The following BMPR1B variants were observed in gnomAD, a reference collection of about 807,000 sequenced individuals.
BMPR1B encodes the protein bone morphogenetic protein receptor type-1B.
Under a neutral mutation model 59.1 loss-of-function variants are expected in BMPR1B, and 12 were observed. The ratio of observed to expected loss-of-function variants is 0.20; its 90% CI spans 0.13 to 0.33. The LOEUF (loss-of-function observed/expected upper bound fraction) is 0.33, where lower values mean the gene tolerates loss of function less well. Ranked by LOEUF, BMPR1B falls within the 10% of genes least tolerant of loss-of-function variation. The pLI is 1.00. For synonymous variants in BMPR1B, 237 were observed against 207.3 expected, an observed-to-expected ratio of 1.14 and a Z score of -1.23; for missense variants, 550 against 610.9, an observed-to-expected ratio of 0.90 and a Z score of 1.05.
intron 1 of BMPR1B, among the ~76,000 whole-genome samples, chr4:94,773,439 C>T (rs981988194): frequency 3.9e-5 from 6 of 151,918 alleles, no homozygotes; most frequent in South Asian, 2.1e-4. Flanking sequence ...GAGACTGATA[C>T]GTACAAATCT....
chr4:95,065,134 G>T (rs1349366913), intron 3 of BMPR1B, among the ~76,000 whole-genome samples: 2 of 152,106 alleles, frequency 1.3e-5, no homozygotes, highest in African/African-American at 4.8e-5. Flanking sequence ...ACAAACTGTT[G>T]TATATCTATA....
At chr4:95,101,694 A>G (rs1246476557) in intron 3 of BMPR1B, among the ~76,000 whole-genome samples, 2 of 152,116 alleles carry the variant, frequency 1.3e-5, no homozygotes, top group Non-Finnish European at 2.9e-5. Flanking sequence ...AGATTATTCA[A>G]AATTTATACA....
rs138858066 is a variant in BMPR1B at position 95,002,425 on chromosome 4, G to T, written c.-18+6291G>T. 2.0e-5 allele frequency among the ~76,000 whole-genome samples: 3 copies of T among 152,290 alleles called. No individual in the cohort carries two copies. In the East Asian group the frequency reaches 5.8e-4, roughly 29 times the overall value. On this transcript the variant is annotated intron_variant, in intron 3 of 12. Transcript: ENST00000515059. ...CCCCATGTCTTTGCTATTGTGAATAGTGCTGTGATGAACATATGAGTGCAT... is the reference window on the plus strand; with the variant it reads ...CCCCATGTCTTTGCTATTGTGAATATTGCTGTGATGAACATATGAGTGCAT...
intron 1 of BMPR1B, among the ~76,000 whole-genome samples, chr4:94,815,058 C>T (rs923391428): frequency 5.3e-5 from 8 of 152,078 alleles, no homozygotes. Flanking sequence ...CACCTGCCAC[C>T]ACGCCCGGCT....
chr4:94,803,348 T>C (rs1206905537), intron 1 of BMPR1B, among the ~76,000 whole-genome samples: 1 of 152,146 alleles, frequency 6.6e-6, no homozygotes, highest in Non-Finnish European at 1.5e-5. Context: ...ATGCTAAAAC[T>C]CTGTATCTCC....
intron 2 of BMPR1B, among the ~76,000 whole-genome samples, chr4:94,975,357 G>GTTTT (rs1177887549): frequency 1.2e-3 from 117 of 94,168 alleles, no homozygotes; most frequent in East Asian, 3.9e-3. Context: ...ATTTCCTTTT[G>GTTTT]TTTTTGTTTT....
At chr4:94,846,427 C>T (rs968639182) in intron 1 of BMPR1B, among the ~76,000 whole-genome samples, 2 of 152,134 alleles carry the variant, frequency 1.3e-5, no homozygotes, top group Non-Finnish European at 2.9e-5. Context: ...CTGGGAAAGG[C>T]AGACCCACCC....
At chr4:95,086,482 T>C (rs1418825495) in intron 3 of BMPR1B, among the ~76,000 whole-genome samples, 10 of 152,204 alleles carry the variant, frequency 6.6e-5, no homozygotes, top group Non-Finnish European at 1.5e-4. Flanking sequence ...TGTCATAGTT[T>C]TCATGACATG....
chr4:94,965,185 A>G (rs1730508137), intron 2 of BMPR1B, among the ~76,000 whole-genome samples: 1 of 152,146 alleles, frequency 6.6e-6, no homozygotes, highest in Non-Finnish European at 1.5e-5. Context: ...TTAAAATAAT[A>G]AGACACATTC....
At chr4:94,785,380 T>C (rs1321712295) in intron 1 of BMPR1B, among the ~76,000 whole-genome samples, 1 of 152,244 alleles carries the variant, frequency 6.6e-6, no homozygotes, top group Non-Finnish European at 1.5e-5. Context: ...CTTTGAAGGC[T>C]GTAAGGACTG....
At chr4:95,143,639 C>G (rs1456823154) in intron 10 of BMPR1B, among the ~76,000 whole-genome samples, 1 of 152,190 alleles carries the variant, frequency 6.6e-6, no homozygotes, top group East Asian at 1.9e-4. Context: ...CTATATCATA[C>G]CACTGTCATT....
At chr4:94,810,123 A>G (rs1374803322) in intron 1 of BMPR1B, among the ~76,000 whole-genome samples, 1 of 152,190 alleles carries the variant, frequency 6.6e-6, no homozygotes, top group African/African-American at 2.4e-5. Flanking sequence ...GGCTGTTGCT[A>G]TCTATCCACT....
chr4:95,043,181 CAAAAAAAAAAAAAAAAAAA>C (rs751904820), intron 3 of BMPR1B, among the ~76,000 whole-genome samples: 1 of 51,454 alleles, frequency 1.9e-5, no homozygotes, highest in South Asian at 1.1e-3. Context: ...GACTCCGTCT[CAAAAAAAAAAAAAAAAAAA>C]AAAAAAAAAA....
chr4:95,058,251 C>T (rs1303564175), intron 3 of BMPR1B, among the ~76,000 whole-genome samples: 1 of 152,152 alleles, frequency 6.6e-6, no homozygotes, highest in African/African-American at 2.4e-5. Context: ...AACTTAATGT[C>T]TGAAACTATG....
chr4:95,074,789 T>TA (rs1159791780), intron 3 of BMPR1B, among the ~76,000 whole-genome samples: 17 of 151,100 alleles, frequency 1.1e-4, no homozygotes, highest in East Asian at 1.9e-4. Flanking sequence ...TAATGGAAAT[T>TA]AAAAAAAAAC....
intron 3 of BMPR1B, among the ~76,000 whole-genome samples, chr4:95,096,682 A>T (rs2149255557): frequency 6.8e-6 from 1 of 146,712 alleles, no homozygotes; most frequent in South Asian, 2.1e-4. Context: ...TTAGTAAACT[A>T]AACTATATAT....
At chr4:94,816,313 GTTTTCTTTTC>G (rs541233007) in intron 1 of BMPR1B, among the ~76,000 whole-genome samples, 9 of 152,006 alleles carry the variant, frequency 5.9e-5, no homozygotes, top group South Asian at 4.2e-4. Flanking sequence ...GGCCCGGCTA[GTTTTCTTTTC>G]TTTTCTTTTC....
At position 95,155,924 on chromosome 4, in the gene BMPR1B, A is replaced by G. The variant is rs974536553; in HGVS notation, c.*1251A>G. The stretch of plus-strand genomic sequence containing the variant: ...CAGAGGACAGTTAGTAGAGGCCACA[A>G]ACTGTTATGGGCTGCTGTGTTTTGT... On this transcript the variant is annotated 3_prime_UTR_variant, in exon 13 of 13. Coordinates refer to ENST00000515059, the MANE Select transcript of BMPR1B (RefSeq NM_001203.3). 6.6e-6 allele frequency: 1 copy of G among 152,188 alleles called. No individual in the cohort carries two copies. The highest frequency in any genetic ancestry group is 2.4e-5 in the African/African-American group (1 of 41,448). 9.4% of individuals were successfully genotyped at this position (152,188 alleles called of 1,614,324 possible).
intron 3 of BMPR1B, among the ~76,000 whole-genome samples, chr4:95,064,487 C>T (rs1224949942): frequency 6.6e-6 from 1 of 152,088 alleles, no homozygotes; most frequent in Admixed American, 6.6e-5. Context: ...CCCCACCACC[C>T]CTCCCACCCC....
Sources: allele counts gnomAD v4.1 joint callset (sites outside exome capture counted in the v4.1 genomes callset), GRCh38; gene constraint gnomAD v4.1.1; transcripts MANE v1.5; gene names NCBI Gene and HGNC (gene_info 2026-07-23, HGNC 2026-07-21).